Variants in ADGRL3 observed in about 807,000 individuals in gnomAD.
The protein encoded by ADGRL3 is adhesion G protein-coupled receptor L3, also known as calcium-independent alpha-latrotoxin receptor 3.
ADGRL3 carries 62 observed loss-of-function variants against 153.5 expected under a neutral mutation model. That is an observed-to-expected ratio of 0.40 (90% CI 0.33 to 0.50). The LOEUF is 0.50. ADGRL3 is among the 20% of genes least tolerant of loss of function. ADGRL3 has a pLI of 0.47. For missense variants in ADGRL3, 1,641 were observed against 1,859.4 expected (o/e 0.88, Z 2.16); for synonymous variants, 710 against 672.5 (o/e 1.06, Z -0.86).
chr4:61,928,191 C>T (rs1039072688), intron 13 of ADGRL3, among the ~76,000 whole-genome samples: 3 of 151,960 alleles, frequency 2.0e-5, no homozygotes, highest in Non-Finnish European at 4.4e-5. Context: ...AGAGTTTAAG[C>T]AATTCATTAG....
At chr4:61,260,727 A>T (rs866504559) in intron 1 of ADGRL3, among the ~76,000 whole-genome samples, 40 of 149,272 alleles carry the variant, frequency 2.7e-4, no homozygotes, top group African/African-American at 8.0e-4. Flanking sequence ...CCTTTAAAAA[A>T]TTTTTTTTAT....
At chr4:61,997,501 A>G (rs2151054473) in intron 20 of ADGRL3, among the ~76,000 whole-genome samples, 1 of 148,504 alleles carries the variant, frequency 6.7e-6, no homozygotes. Flanking sequence ...GAATACATAA[A>G]TTAATCAAGT....
chr4:61,234,032 C>T (rs1412449745), intron 1 of ADGRL3, among the ~76,000 whole-genome samples: 1 of 151,966 alleles, frequency 6.6e-6, no homozygotes, highest in Non-Finnish European at 1.5e-5. Context: ...CAATGTAGGA[C>T]ATTTCTATCT....
chr4:61,443,474 A>G (rs2097548385), intron 2 of ADGRL3, among the ~76,000 whole-genome samples: 1 of 152,172 alleles, frequency 6.6e-6, no homozygotes, highest in Admixed American at 6.5e-5. Flanking sequence ...TAAGTTATTT[A>G]TGGTTTTTAT....
chr4:61,244,479 T>A (rs892980426), intron 1 of ADGRL3, among the ~76,000 whole-genome samples: 24 of 152,046 alleles, frequency 1.6e-4, no homozygotes, highest in African/African-American at 5.8e-4. Context: ...TGTAAATACA[T>A]GTGTGATATG....
chr4:61,957,794 A>G (rs2098973136), intron 17 of ADGRL3, among the ~76,000 whole-genome samples: 1 of 151,998 alleles, frequency 6.6e-6, no homozygotes, highest in Admixed American at 6.6e-5. Context: ...AGCTAATTGC[A>G]ATTTGAAAAA....
intron 8 of ADGRL3, among the ~76,000 whole-genome samples, chr4:61,810,330 A>G (rs564333635): frequency 7.9e-5 from 12 of 152,234 alleles, no homozygotes; most frequent in African/African-American, 2.9e-4. Flanking sequence ...GTTGACAACC[A>G]CCACCTTGAT....
At chr4:61,810,431 C>T (rs1425536539) in intron 8 of ADGRL3, among the ~76,000 whole-genome samples, 1 of 152,174 alleles carries the variant, frequency 6.6e-6, no homozygotes, top group African/African-American at 2.4e-5. Context: ...AAATGTCTTT[C>T]TCCGTCCTAG....
chr4:61,811,975 C>T (rs2148596313), intron 8 of ADGRL3, among the ~76,000 whole-genome samples: 1 of 152,104 alleles, frequency 6.6e-6, no homozygotes, highest in East Asian at 1.9e-4. Context: ...TTTGTATTTA[C>T]AATATTACAT....
intron 2 of ADGRL3, among the ~76,000 whole-genome samples, chr4:61,469,748 A>T (rs2097923222): frequency 6.6e-6 from 1 of 152,176 alleles, no homozygotes; most frequent in Non-Finnish European, 1.5e-5. Context: ...AATGTTGCAC[A>T]AAATACAAGT....
At chr4:62,041,956 G>A (rs966867905) in intron 24 of ADGRL3, among the ~76,000 whole-genome samples, 5 of 152,046 alleles carry the variant, frequency 3.3e-5, no homozygotes, top group African/African-American at 1.2e-4. Context: ...CATCAGACAT[G>A]TTCATTAACC....
intron 21 of ADGRL3, among the ~76,000 whole-genome samples, chr4:62,013,446 G>A (rs1012655073): frequency 6.6e-6 from 1 of 151,900 alleles, no homozygotes; most frequent in Admixed American, 6.6e-5. Flanking sequence ...GGAGACTGAC[G>A]CAGGAGAATC....
intron 2 of ADGRL3, among the ~76,000 whole-genome samples, chr4:61,402,227 A>G (rs1034578317): frequency 3.7e-4 from 57 of 152,208 alleles, no homozygotes; most frequent in African/African-American, 1.3e-3. Flanking sequence ...AGCCTCGTCT[A>G]TTGGATGTCC....
intron 6 of ADGRL3, among the ~76,000 whole-genome samples, chr4:61,692,496 G>A (rs2095558254): frequency 6.8e-6 from 1 of 147,836 alleles, no homozygotes. Flanking sequence ...AGGTTGGTGT[G>A]CAATGGCCTA....
At chr4:61,573,767 A>C (rs1395043080) in intron 4 of ADGRL3, among the ~76,000 whole-genome samples, 1 of 152,008 alleles carries the variant, frequency 6.6e-6, no homozygotes, top group Non-Finnish European at 1.5e-5. Flanking sequence ...ATATTCAATA[A>C]ATAAGGCTAC....
At chr4:61,536,948 TC>T (rs2098660451) in intron 4 of ADGRL3, among the ~76,000 whole-genome samples, 1 of 152,136 alleles carries the variant, frequency 6.6e-6, no homozygotes, top group Admixed American at 6.5e-5. Flanking sequence ...CTTTGTACTC[TC>T]AATTATATAA....
Position 61,733,207 on chromosome 4 carries a change from G to GT in ADGRL3, c.1053dup (p.Lys352Ter). ...ATCTATGCAACAGAACAAAACAATG[G>GT]TAAAATTGTCATTAGTCAATTGAAC... On this transcript the variant is annotated frameshift_variant, in exon 8 of 27. Transcript: ENST00000683033. LOFTEE classifies it high-confidence loss of function. The GT allele has an allele frequency of 6.2e-7, 1 of 1,613,476 alleles. No homozygotes were observed. Among genetic ancestry groups the GT allele is most frequent in the Non-Finnish European group, 8.5e-7 (1 of 1,179,722 alleles).
chr4:61,880,610 AC>A (rs1206084343), intron 9 of ADGRL3, among the ~76,000 whole-genome samples: 1 of 152,236 alleles, frequency 6.6e-6, no homozygotes, highest in African/African-American at 2.4e-5. Flanking sequence ...TATAAGGAAA[AC>A]AAAGTGGAAT....
intron 1 of ADGRL3, among the ~76,000 whole-genome samples, chr4:61,255,934 CAA>C (rs1175360427): frequency 1.3e-5 from 2 of 152,102 alleles, no homozygotes; most frequent in African/African-American, 4.8e-5. Context: ...TCCTCTTTTG[CAA>C]AGTGAATATG....
Sources: allele counts gnomAD v4.1 joint callset (sites outside exome capture counted in the v4.1 genomes callset), GRCh38; gene constraint gnomAD v4.1.1; transcripts MANE v1.5; gene names NCBI Gene and HGNC (gene_info 2026-07-23, HGNC 2026-07-21).